PRELID2: variants seen among roughly 807,000 people sequenced by gnomAD.
PRELID2 encodes the protein PRELI domain containing 2, also known as PRELI domain-containing protein 2.
In PRELID2, 25 loss-of-function variants were observed where a neutral mutation model predicts 28.4. The observed-to-expected ratio is 0.88, with a 90% CI of 0.64 to 1.23. The LOEUF (loss-of-function observed/expected upper bound fraction) is 1.23. Among genes scored for constraint, PRELID2 ranks in the 50% most tolerant of loss-of-function variants. The pLI is 0.00. For synonymous variants in PRELID2, 76 were observed against 71.6 expected (o/e 1.06, Z -0.31); for missense variants, 201 against 214.4 (o/e 0.94, Z 0.39).
At chr5:145,566,839 CAAA>C (rs537384269) in intron 1 of PRELID2, among the ~76,000 whole-genome samples, 2,924 of 58,036 alleles carry the variant, frequency 0.05, 67 homozygotes, top group African/African-American at 0.12. Flanking sequence ...GACTCCATCT[CAAA>C]AAAAAAAAAA....
chr5:145,271,701 C>A, the PRELID2 span, among the ~76,000 whole-genome samples: 1 of 152,266 alleles, frequency 6.6e-6, no homozygotes, highest in South Asian at 2.1e-4. Flanking sequence ...GTGATTTACT[C>A]TTCCTCCTCT....
chr5:145,767,163 C>T (rs1270287794), intron 5 of PRELID2, among the ~76,000 whole-genome samples: 4 of 140,506 alleles, frequency 2.8e-5, no homozygotes, highest in Middle Eastern at 7.1e-3. Flanking sequence ...AACCCCAGGC[C>T]CCACTGGTGG....
At chr5:145,275,137 G>A in the PRELID2 span, among the ~76,000 whole-genome samples, 1 of 152,008 alleles carries the variant, frequency 6.6e-6, no homozygotes, top group African/African-American at 2.4e-5. Flanking sequence ...CTGGGTCTTA[G>A]GATTTCAACA....
chr5:145,413,082 C>T, the PRELID2 span, among the ~76,000 whole-genome samples: 3 of 152,102 alleles, frequency 2.0e-5, no homozygotes, highest in Non-Finnish European at 4.4e-5. Context: ...AACCATATCA[C>T]TATGCATCCA....
At chr5:145,657,481 C>T (rs146472149) in intron 1 of PRELID2, among the ~76,000 whole-genome samples, 1,998 of 152,110 alleles carry the variant, frequency 0.013, 28 homozygotes, top group African/African-American at 0.039. Flanking sequence ...GTCAGGAGTT[C>T]GAGACCAACC....
intron 1 of PRELID2, among the ~76,000 whole-genome samples, chr5:145,631,619 C>T (rs1177945029): frequency 2.6e-5 from 4 of 152,134 alleles, no homozygotes; most frequent in African/African-American, 9.7e-5. Flanking sequence ...TATTCACTGA[C>T]ACATCCTCAG....
At chr5:145,714,487 G>A (rs775769246) in intron 1 of PRELID2, among the ~76,000 whole-genome samples, 1 of 151,920 alleles carries the variant, frequency 6.6e-6, no homozygotes, top group Non-Finnish European at 1.5e-5. Context: ...TTTTGAAGCT[G>A]GAGCTTCAAA....
intron 1 of PRELID2, among the ~76,000 whole-genome samples, chr5:145,563,906 T>G (rs146354086): frequency 1.3e-5 from 2 of 152,268 alleles, no homozygotes; most frequent in East Asian, 3.9e-4. Context: ...AATTCCCCCA[T>G]GAAAGTAGAT....
the PRELID2 span, among the ~76,000 whole-genome samples, chr5:145,234,117 A>T: frequency 1.3e-5 from 2 of 152,180 alleles, no homozygotes; most frequent in Non-Finnish European, 2.9e-5. Flanking sequence ...GTTACCAATA[A>T]TTTTTAATCA....
At chr5:145,815,976 C>G (rs972133800) in intron 4 of PRELID2, among the ~76,000 whole-genome samples, 1 of 150,644 alleles carries the variant, frequency 6.6e-6, no homozygotes, top group Non-Finnish European at 1.5e-5. Flanking sequence ...ATCTGAAAAA[C>G]TGTTCTCCAA....
rs189235734 is a variant in PRELID2, at chr5:145,529,012, T to C, written n.71-55697A>G. ...ATTTTACCCAACATCTCCCTCCGTT[T>C]TCCCTGCTAGGGCATATTAGCAGTA... On this transcript the variant is annotated intron_variant and non_coding_transcript_variant, in intron 1 of 2. Coordinates refer to the PRELID2 transcript ENST00000510259. 2.8e-4 allele frequency among the ~76,000 whole-genome samples: 43 copies of C among 152,260 alleles called. No individual in the cohort carries two copies. The East Asian group carries it at 6.4e-3, about 23-fold the overall frequency.
chr5:145,442,155 G>T, the PRELID2 span, among the ~76,000 whole-genome samples: 2 of 152,036 alleles, frequency 1.3e-5, no homozygotes, highest in Non-Finnish European at 2.9e-5. Context: ...CAGCAAAATA[G>T]ATATTTTTGT....
intron 1 of PRELID2, among the ~76,000 whole-genome samples, chr5:145,500,917 CG>C (rs1561494936): frequency 6.6e-6 from 1 of 152,048 alleles, no homozygotes; most frequent in East Asian, 1.9e-4. Context: ...TACAATGCTC[CG>C]GGTGACCAAG....
intron 5 of PRELID2, among the ~76,000 whole-genome samples, chr5:145,776,492 A>C (rs112701483): frequency 5.9e-5 from 9 of 152,208 alleles, no homozygotes; most frequent in African/African-American, 2.2e-4. Flanking sequence ...TCATATGCTG[A>C]GGTTGCTAAG....
At chr5:145,735,150 A>C (rs2014625) in intron 1 of PRELID2, among the ~76,000 whole-genome samples, 123,260 of 151,112 alleles carry the variant, frequency 0.82, 50,699 homozygotes, top group East Asian at 0.88. Context: ...GAGGCTGAAG[A>C]AGGACAATTG....
At chr5:145,539,372 C>A (rs1219387243) in intron 1 of PRELID2, among the ~76,000 whole-genome samples, 1 of 152,026 alleles carries the variant, frequency 6.6e-6, no homozygotes, top group African/African-American at 2.4e-5. Context: ...CAAAATCAAG[C>A]TTTTGGCCCC....
chr5:145,481,226 A>T (rs1752156455), intron 1 of PRELID2, among the ~76,000 whole-genome samples: 1 of 152,058 alleles, frequency 6.6e-6, no homozygotes, highest in Admixed American at 6.6e-5. Context: ...ATTGGCTTCA[A>T]ATAGGGCTGC....
chr5:145,398,668 C>A, the PRELID2 span, among the ~76,000 whole-genome samples: 2 of 152,046 alleles, frequency 1.3e-5, no homozygotes, highest in Non-Finnish European at 2.9e-5. Flanking sequence ...GAGGACATAG[C>A]AACAAACAAT....
At chr5:145,457,619 A>G in the PRELID2 span, among the ~76,000 whole-genome samples, 5 of 152,340 alleles carry the variant, frequency 3.3e-5, no homozygotes, top group African/African-American at 7.2e-5. Context: ...GGCTAGGTCA[A>G]TTCAGGAAAC....
Sources: gnomAD v4.1 joint callset for allele counts (sites outside exome capture counted in the v4.1 genomes callset) on GRCh38, gnomAD v4.1.1 for gene constraint, MANE v1.5 for transcripts, NCBI Gene and HGNC (gene_info 2026-07-23, HGNC 2026-07-21) for gene names.